MVB12B: variants seen among roughly 807,000 people sequenced by gnomAD.
MVB12B encodes the protein multivesicular body subunit 12B.
In MVB12B, 16 loss-of-function variants were observed where a neutral mutation model predicts 41.6. The observed-to-expected ratio is 0.38, with a 90% confidence interval of 0.26 to 0.58. MVB12B has a LOEUF of 0.58. Ranked by LOEUF, MVB12B falls within the 20% of genes least tolerant of loss-of-function variation. The pLI is 0.62. For synonymous variants in MVB12B, 133 were observed against 139.7 expected (o/e 0.95, Z 0.34); for missense variants, 274 against 380.2 (o/e 0.72, Z 2.32).
chr9:126,406,174 G>C (rs1224014808), intron 6 of MVB12B, among the ~76,000 whole-genome samples: 1 of 152,062 alleles, frequency 6.6e-6, no homozygotes, highest in Non-Finnish European at 1.5e-5. Context: ...GCTGTGAGCA[G>C]AGGAGAGGTC....
chr9:126,445,362 A>C (rs1322580914), intron 7 of MVB12B, among the ~76,000 whole-genome samples: 1 of 152,178 alleles, frequency 6.6e-6, no homozygotes, highest in African/African-American at 2.4e-5. Context: ...GCTGGAGTAC[A>C]GTGGTGCGAT....
At chr9:126,479,922 G>GC (rs1833492628) in intron 7 of MVB12B, among the ~76,000 whole-genome samples, 1 of 152,138 alleles carries the variant, frequency 6.6e-6, no homozygotes, top group Non-Finnish European at 1.5e-5. Flanking sequence ...TCCGTTCCAG[G>GC]TTTTTTCTTC....
At position 126,333,255 on chromosome 9, in the gene MVB12B, T is replaced by G. The variant is rs559444097; in HGVS notation, c.81+6245T>G. On this transcript the variant is annotated intron_variant, in intron 1 of 9. Coordinates refer to ENST00000361171, the MANE Select transcript of MVB12B (RefSeq NM_033446.3). This position sits in a 1 kb window ranked among gnomAD's most constrained non-coding sequence, Gnocchi z 4.7. ...GTGCGTGCCACCATGCCTGGCTAAT[T>G]TTTGTATTTTTAGTAAAGACAGGAT... 1.3e-5 allele frequency among the ~76,000 whole-genome samples: 2 copies of G among 152,080 alleles called. No homozygotes were observed. The highest frequency in any genetic ancestry group is 2.4e-5 in the African/African-American group (1 of 41,472).
intron 9 of MVB12B, among the ~76,000 whole-genome samples, chr9:126,500,886 G>A (rs1833941573): frequency 6.6e-6 from 1 of 152,212 alleles, no homozygotes; most frequent in African/African-American, 2.4e-5. Context: ...TGATCCCCAC[G>A]CCCCGTGCAT....
chr9:126,486,015 G>A lies in MVB12B; in HGVS notation c.873+1983G>A, dbSNP rs1158556552. ...TTTTCTCTTGTGTACCCAGCTAGCA[G>A]AAGCCGGCTGCATTATTGAAAGATG... On this transcript the variant is annotated intron_variant, in intron 9 of 9. Coordinates refer to ENST00000361171, the MANE Select transcript of MVB12B (RefSeq NM_033446.3). This position sits in a 1 kb window ranked among gnomAD's most constrained non-coding sequence, Gnocchi z 4.7. 5.3e-5 allele frequency among the ~76,000 whole-genome samples: 8 copies of A among 152,030 alleles called. No individual in the cohort carries two copies.
intron 2 of MVB12B, among the ~76,000 whole-genome samples, chr9:126,352,097 A>G (rs1829766326): frequency 1.3e-5 from 2 of 152,138 alleles, no homozygotes; most frequent in African/African-American, 4.8e-5. Flanking sequence ...ATTCTCTTTG[A>G]TAACAGATTG....
chr9:126,419,225 T>C (rs1831923594), intron 6 of MVB12B, among the ~76,000 whole-genome samples: 1 of 152,158 alleles, frequency 6.6e-6, no homozygotes. Context: ...CTTTGGAGGC[T>C]TAGAAATCTT....
chr9:126,459,938 C>A lies in MVB12B; in HGVS notation c.758-21431C>A, dbSNP rs545315724. ...AGCCGCTCTTGTTGGGAAGCAGCTT[C>A]CCCTGCGATTTGGGGCATGTGCTTT... On this transcript the variant is annotated intron_variant, in intron 7 of 9. Coordinates refer to ENST00000361171, the MANE Select transcript of MVB12B (RefSeq NM_033446.3). This position sits in a 1 kb window ranked among gnomAD's most constrained non-coding sequence, Gnocchi z 4.3. Among the ~76,000 whole-genome samples the A allele has an allele frequency of 6.6e-6, 1 of 152,190 alleles. No homozygotes were observed. Among genetic ancestry groups the A allele is most frequent in the Non-Finnish European group, 1.5e-5 (1 of 68,026 alleles).
chr9:126,476,986 A>G (rs1363954441), intron 7 of MVB12B, among the ~76,000 whole-genome samples: 1 of 151,960 alleles, frequency 6.6e-6, no homozygotes, highest in Non-Finnish European at 1.5e-5. Flanking sequence ...TTATGTTGCT[A>G]TAAAGGAATA....
intron 2 of MVB12B, among the ~76,000 whole-genome samples, chr9:126,360,379 A>G (rs1036307033): frequency 6.6e-6 from 1 of 152,180 alleles, no homozygotes; most frequent in African/African-American, 2.4e-5. Flanking sequence ...ATTGTATATT[A>G]TTATGTTTTC....
chr9:126,359,061 A>ATTTT (rs1164062424), intron 2 of MVB12B, among the ~76,000 whole-genome samples: 1 of 144,344 alleles, frequency 6.9e-6, no homozygotes, highest in Admixed American at 6.9e-5. Flanking sequence ...TTTAATTTTA[A>ATTTT]TTTTTTTTTT....
In MVB12B at chr9:126,506,692, A is replaced by G. The variant is rs1588222705; in HGVS notation, c.*3429A>G. 6.6e-6 allele frequency: 1 copy of G among 152,296 alleles called. No homozygotes were observed. Among genetic ancestry groups the G allele is most frequent in the Non-Finnish European group, 1.5e-5 (1 of 68,092 alleles). 9.4% of individuals were successfully genotyped at this position (152,296 alleles called of 1,614,324 possible). ...TGGCAGCCACGCAGCGGCTGAGCTC[A>G]TGAACTTGGTTCGCAGCCTGCCTTG... On this transcript the variant is annotated 3_prime_UTR_variant, in exon 10 of 10. Coordinates refer to ENST00000361171, the MANE Select transcript of MVB12B (RefSeq NM_033446.3).
intron 9 of MVB12B, among the ~76,000 whole-genome samples, chr9:126,501,996 T>C (rs1833969623): frequency 1.3e-5 from 2 of 152,142 alleles, no homozygotes; most frequent in South Asian, 4.1e-4. Context: ...CGTGTACAGG[T>C]GTCCCCCAAG....
At chr9:126,427,458 T>C (rs1196405892) in intron 7 of MVB12B, among the ~76,000 whole-genome samples, 1 of 152,104 alleles carries the variant, frequency 6.6e-6, no homozygotes, top group Non-Finnish European at 1.5e-5. Flanking sequence ...AGTGCGGCTT[T>C]TCTAACCTAG....
At chr9:126,489,494 TG>T (rs1191999406) in intron 9 of MVB12B, among the ~76,000 whole-genome samples, 19 of 152,360 alleles carry the variant, frequency 1.2e-4, no homozygotes, top group African/African-American at 4.6e-4. Flanking sequence ...AGGACGGTCA[TG>T]TTTTAAAGTT....
rs974100196 is a variant in MVB12B at position 126,480,247 on chromosome 9, C to T, written c.758-1122C>T. Among the ~76,000 whole-genome samples, 10 of 152,186 alleles carry T rather than the reference C, an allele frequency of 6.6e-5. No individual in the cohort carries two copies. Among genetic ancestry groups the T allele is most frequent in the African/African-American group, 2.2e-4 (9 of 41,438 alleles). ...CTCATGACCAGGCCCCTAACAACTG[C>T]GGCTGCATGTTCCCGACTCTTCCCA... On this transcript the variant is annotated intron_variant, in intron 7 of 9. Coordinates refer to ENST00000361171, the MANE Select transcript of MVB12B (RefSeq NM_033446.3). This position sits in a 1 kb window ranked among gnomAD's most constrained non-coding sequence, Gnocchi z 4.9.
At chr9:126,420,955 C>G (rs1831996136) in intron 6 of MVB12B, among the ~76,000 whole-genome samples, 2 of 152,342 alleles carry the variant, frequency 1.3e-5, no homozygotes, top group Admixed American at 6.5e-5. Flanking sequence ...CTCCAGCAGT[C>G]TCTTCCTTTT....
chr9:126,345,253 G>A (rs1829556595), intron 2 of MVB12B, among the ~76,000 whole-genome samples: 1 of 152,206 alleles, frequency 6.6e-6, no homozygotes, highest in African/African-American at 2.4e-5. Flanking sequence ...CCACACCTTA[G>A]CAGCCAGGCT....
At chr9:126,380,259 T>C (rs893555330) in intron 2 of MVB12B, among the ~76,000 whole-genome samples, 1 of 152,078 alleles carries the variant, frequency 6.6e-6, no homozygotes, top group African/African-American at 2.4e-5. Context: ...CTTCTTCTCC[T>C]CCTCCTCTCC....
Sources: gnomAD v4.1 joint callset for allele counts (sites outside exome capture counted in the v4.1 genomes callset) on GRCh38, gnomAD v4.1.1 for gene constraint, Gnocchi (gnomAD v3.1) non-coding constraint, MANE v1.5 for transcripts, NCBI Gene and HGNC (gene_info 2026-07-23, HGNC 2026-07-21) for gene names.